AGL: variants seen among roughly 807,000 people sequenced by gnomAD.
The protein encoded by AGL is amylo-alpha-1,6-glucosidase and 4-alpha-glucanotransferase, also known as glycogen debranching enzyme.
A neutral mutation model predicts 199.3 loss-of-function variants in AGL; 128 were observed. That is an observed-to-expected ratio of 0.64 (90% confidence interval 0.56 to 0.74). The LOEUF is 0.74. AGL is among the 30% of genes least tolerant of loss of function. AGL has a pLI of 0.00. For synonymous variants in AGL, 584 were observed against 594.7 expected, an observed-to-expected ratio of 0.98 and a Z score of 0.26; for missense variants, 1,809 against 1,820.8, an observed-to-expected ratio of 0.99 and a Z score of 0.12.
intron 2 of AGL, chr1:99,852,629 G>T (rs779556676): frequency 6.6e-6 from 5 of 754,254 alleles, no homozygotes; most frequent in South Asian, 5.5e-5. Context: ...TCCCTCTTTG[G>T]CCTCTGAAAG....
chr1:99,870,741 CTA>C lies in AGL; in HGVS notation c.847-15_847-14del, dbSNP rs1387792066. Reference sequence around the variant, plus strand: ...GTATATGTATATATGTATTTTTTAACTATTGACATTTTTCAGTCCATCCGAAA... The same window carrying C: ...GTATATGTATATATGTATTTTTTAACTTGACATTTTTCAGTCCATCCGAAA... On this transcript the variant is annotated splice_polypyrimidine_tract_variant and intron_variant, in intron 6 of 33. Transcript: ENST00000361915. The C allele has an allele frequency of 1.3e-6, 2 of 1,516,500 alleles. No individual in the cohort carries two copies. The highest frequency in any genetic ancestry group is 1.4e-5 in the African/African-American group (1 of 72,318). The allele number at this position is 1,516,500 out of a possible 1,614,324, so 93.9% of individuals were successfully genotyped here. A position where few individuals can be genotyped will look rare whatever the true frequency, so the allele number is the denominator to read the frequency against.
intron 4 of AGL, among the ~76,000 whole-genome samples, chr1:99,862,949 AAT>A (rs1039826868): frequency 9.9e-5 from 15 of 151,430 alleles, no homozygotes; most frequent in African/African-American, 2.2e-4. Flanking sequence ...ATTAAAAAAA[AAT>A]TTTTTTTTTT....
intron 2 of AGL, chr1:99,852,663 A>G (rs770437906): frequency 3.2e-5 from 25 of 775,954 alleles, no homozygotes; most frequent in Middle Eastern, 2.2e-4. Flanking sequence ...AGCATAAGCC[A>G]CCGGGCATGG....
Position 99,880,026 on chromosome 1 carries a change from G to T in AGL, c.1715G>T (p.Gly572Val), listed in dbSNP as rs1651880309. 1.2e-6 allele frequency: 2 copies of T among 1,613,454 alleles called. No homozygotes were observed. Among genetic ancestry groups the T allele is most frequent in the Non-Finnish European group, 1.7e-6 (2 of 1,179,592 alleles). The change falls in exon 13 of 34, where the codon GGC becomes GTC. Residue 572 changes from glycine to valine, a missense_variant. Gly to Val is a moderately radical substitution (Grantham distance 109). Coordinates refer to ENST00000361915, the MANE Select transcript of AGL (RefSeq NM_000642.3). ...DLDNVFVTRL[G>V]ISSLIREAMS... The stretch of plus-strand genomic sequence containing the variant: ...GACAATGTCTTTGTTACTAGACTGG[G>T]CATTAGTTCCTTAATAAGAGGTAGG...
Position 99,881,654 on chromosome 1 carries a change from A to G in AGL, c.2271A>G (p.Ser757=). 6.2e-7 allele frequency: 1 copy of G among 1,613,944 alleles called. No individual in the cohort carries two copies. Among genetic ancestry groups the G allele is most frequent in the Non-Finnish European group, 8.5e-7 (1 of 1,179,910 alleles). ...SRTAFRNPKT[S]FYSKEVPQMC... ...CTGCTTTCAGGAATCCCAAGACTTC[A>G]TTTTACAGCAAGGAAGTGCCTCAAA... Residue 757 remains serine (S), a synonymous_variant, in exon 17 of 34, where the codon TCA becomes TCG. Transcript: ENST00000361915.
chr1:99,921,465 C>A, intron 33 of AGL, 69 bp from the exon 34 acceptor site: 2 of 1,107,600 alleles, frequency 1.8e-6, no homozygotes, highest in Non-Finnish European at 2.8e-6. Context: ...GCAAAAATCA[C>A]CAGGTCTTGC....
intron 5 of AGL, 104 bp from the exon 6 acceptor site, chr1:99,870,296 A>G (rs1650880217): frequency 8.0e-7 from 1 of 1,250,958 alleles, no homozygotes. Context: ...ATATAGAAAA[A>G]AATGAGTGGT....
intron 2 of AGL, chr1:99,852,433 G>T: frequency 1.2e-5 from 5 of 421,250 alleles, no homozygotes; most frequent in Middle Eastern, 6.9e-4. Flanking sequence ...GTTGTGGCAT[G>T]ATCATGGCTC....
chr1:99,919,625 CCTGT>C (rs1355509090), intron 33 of AGL, among the ~76,000 whole-genome samples: 4 of 152,126 alleles, frequency 2.6e-5, no homozygotes, highest in Non-Finnish European at 4.4e-5. Context: ...CTCAATGTAT[CCTGT>C]CTATGTGTGT....
intron 25 of AGL, among the ~76,000 whole-genome samples, chr1:99,897,219 G>A (rs1393027503): frequency 6.6e-6 from 1 of 152,188 alleles, no homozygotes; most frequent in African/African-American, 2.4e-5. Context: ...CCACACATCA[G>A]TAGTGTCACC....
Position 99,898,030 on chromosome 1 carries a change from A to C in AGL, c.3362+1642A>C, listed in dbSNP as rs1653469434. Among the ~76,000 whole-genome samples, 2 of 151,318 alleles carry C rather than the reference A, an allele frequency of 1.3e-5. 1 individual carries two copies. The highest frequency in any genetic ancestry group is 2.9e-5 in the Non-Finnish European group (2 of 67,914). ...TATCACCTGTTTTGTATGGCCTATG[A>C]GCAAAGAATAGCTTTTACCTTTTTT... is the stretch of plus-strand genomic sequence containing the variant. On this transcript the variant is annotated intron_variant, in intron 25 of 33. Coordinates refer to ENST00000361915, the MANE Select transcript of AGL (RefSeq NM_000642.3).
rs200390058 is a variant in AGL at position 99,899,510 on chromosome 1, TTC to T, written c.3363-1108_3363-1107del. Among the ~76,000 whole-genome samples the T allele has an allele frequency of 1.9e-3, 141 of 74,520 alleles. 2 individuals carry two copies. The Middle Eastern group carries it at 0.063, about 33-fold the overall frequency. 48.9% of individuals were successfully genotyped at this position (74,520 alleles called of 152,430 possible). A position where few individuals can be genotyped will look rare whatever the true frequency, so the allele number is the denominator to read the frequency against. On this transcript the variant is annotated intron_variant, in intron 25 of 33. Coordinates refer to ENST00000361915, the MANE Select transcript of AGL (RefSeq NM_000642.3). The stretch of plus-strand genomic sequence containing the variant: ...GTCAGCTTCTACCAGTTTGTTTTCT[TTC>T]TCTCTCTCTCTCTCTCTTTCTCTCT...
chr1:99,896,126 T>C (rs1295071209), intron 24 of AGL, among the ~76,000 whole-genome samples, 160 bp from the exon 25 acceptor site: 1 of 152,236 alleles, frequency 6.6e-6, no homozygotes, highest in Non-Finnish European at 1.5e-5. Context: ...AACATAAGTA[T>C]AGACATACAT....
rs748436472 is a variant in AGL, at chr1:99,881,688, C to T, written c.2305C>T (p.Pro769Ser). Residue 769 changes from proline to serine, a missense_variant, in exon 17 of 34, where the codon CCT (proline) becomes TCT (serine). Transcript: ENST00000361915. Reference protein sequence around the residue: ...YSKEVPQMCIPGKIEEVVLEA... With the variant: ...YSKEVPQMCISGKIEEVVLEA... ...CAAGGAAGTGCCTCAAATGTGCATC[C>T]CTGGTAATGCAATCTAAAAATTGTT... 1 of 1,613,122 alleles carries T rather than the reference C, an allele frequency of 6.2e-7. No homozygotes were observed. The highest frequency in any genetic ancestry group is 1.7e-5 in the Admixed American group (1 of 59,932).
chr1:99,881,821 A>T (rs1030507897), intron 17 of AGL, 130 bp downstream of exon 17: 23 of 954,050 alleles, frequency 2.4e-5, no homozygotes, highest in African/African-American at 5.1e-5. Flanking sequence ...GACGTACTTG[A>T]GAAAAAGAAT....
chr1:99,912,270 T>A (rs1300186690), intron 28 of AGL, 135 bp from the exon 29 acceptor site: 13 of 710,546 alleles, frequency 1.8e-5, no homozygotes, highest in Non-Finnish European at 3.1e-5. Flanking sequence ...ATAGTACACA[T>A]TCCTATAGAG....
rs770872964 is a variant in AGL, at chr1:99,923,981, CCT to C, written c.*2333_*2334del. On this transcript the variant is annotated 3_prime_UTR_variant, in exon 34 of 34. Transcript: ENST00000361915. ...GTCTAGTGGGCAAATGTCATTGTTA[CCT>C]CTGTGTGTTAAGAAAATAAAAATAT... 1 of 152,074 alleles carries C rather than the reference CCT, an allele frequency of 6.6e-6. No homozygotes were observed. Among genetic ancestry groups the C allele is most frequent in the Non-Finnish European group, 1.5e-5 (1 of 68,016 alleles). The allele number at this position is 152,074 out of a possible 1,614,324, so 9.4% of individuals were successfully genotyped here.
intron 26 of AGL, among the ~76,000 whole-genome samples, chr1:99,902,384 A>C (rs1653911477): frequency 6.6e-6 from 1 of 152,208 alleles, no homozygotes; most frequent in Non-Finnish European, 1.5e-5. Flanking sequence ...AGGTTCGTTT[A>C]TTAGCTGAAG....
intron 22 of AGL, 86 bp downstream of exon 22, chr1:99,891,442 C>A: frequency 1.3e-6 from 2 of 1,541,012 alleles, no homozygotes; most frequent in Non-Finnish European, 1.8e-6. Context: ...ACATTGTTTT[C>A]TAACCTGAAC....
Sources: allele counts gnomAD v4.1 joint callset (sites outside exome capture counted in the v4.1 genomes callset), GRCh38; gene constraint gnomAD v4.1.1; transcripts MANE v1.5; gene names NCBI Gene and HGNC (gene_info 2026-07-23, HGNC 2026-07-21).